Variants in GLIPR1L1 observed in about 807,000 individuals in gnomAD.
GLIPR1L1 encodes the protein GLIPR1 like 1, also known as GLIPR1-like protein 1.
GLIPR1L1 carries 26 observed loss-of-function variants against 29.9 expected under a neutral mutation model. The observed-to-expected ratio is 0.87, with a 90% CI of 0.64 to 1.21. GLIPR1L1 has a LOEUF of 1.21. GLIPR1L1 is among the 50% of genes most tolerant of loss of function. The probability of loss-of-function intolerance (pLI) is 0.00; values close to 1 mark genes in which losing one functional copy is unlikely to be tolerated. For synonymous variants in GLIPR1L1, 77 were observed against 97.5 expected (o/e 0.79, Z 1.24); for missense variants, 305 against 290.3 (o/e 1.05, Z -0.37).
chr12:75,345,547 G>A (rs945576040), intron 2 of GLIPR1L1, among the ~76,000 whole-genome samples: 36 of 152,162 alleles, frequency 2.4e-4, no homozygotes, highest in African/African-American at 7.7e-4. Flanking sequence ...CTTATCAGAG[G>A]TGCAGTGAAC....
At chr12:75,358,855 A>G (rs1359047009) in intron 3 of GLIPR1L1, among the ~76,000 whole-genome samples, 1 of 144,456 alleles carries the variant, frequency 6.9e-6, no homozygotes, top group Non-Finnish European at 1.5e-5. Flanking sequence ...TATATTATAT[A>G]TGGTTTAAAC....
intron 2 of GLIPR1L1, among the ~76,000 whole-genome samples, chr12:75,346,458 T>C (rs562003011): frequency 6.6e-6 from 1 of 152,196 alleles, no homozygotes; most frequent in Admixed American, 6.5e-5. Flanking sequence ...TGGCGTGATC[T>C]CAACTCACTG....
At chr12:75,355,000 A>T (rs1275814251) in intron 3 of GLIPR1L1, among the ~76,000 whole-genome samples, 1 of 152,206 alleles carries the variant, frequency 6.6e-6, no homozygotes, top group African/African-American at 2.4e-5. Flanking sequence ...TAAAGGCTTA[A>T]ATATAAAACC....
At position 75,334,677 on chromosome 12, in the gene GLIPR1L1, C is replaced by A. The variant is rs1248615550; in HGVS notation, c.-52C>A. Reference sequence around the variant, plus strand: ...GCGTGGGGAAATCGGGTTGCCCCAGCCGTTACTGGTCCGCGCAGTCAGGGC... The same window carrying A: ...GCGTGGGGAAATCGGGTTGCCCCAGACGTTACTGGTCCGCGCAGTCAGGGC... On this transcript the variant is annotated 5_prime_UTR_variant, in exon 1 of 6. Transcript: ENST00000378695. 3.8e-6 allele frequency: 6 copies of A among 1,576,080 alleles called. No homozygotes were observed. Among genetic ancestry groups the A allele is most frequent in the Middle Eastern group, 1.7e-4 (1 of 5,844 alleles).
intron 3 of GLIPR1L1, chr12:75,360,250 T>A (rs148295689): frequency 6.6e-6 from 1 of 152,302 alleles, no homozygotes; most frequent in African/African-American, 2.4e-5. Flanking sequence ...CTTGTCTTTT[T>A]ACATTTCCCA....
intron 4 of GLIPR1L1, among the ~76,000 whole-genome samples, chr12:75,367,647 A>G (rs1323409253): frequency 6.6e-6 from 1 of 152,112 alleles, no homozygotes; most frequent in Non-Finnish European, 1.5e-5. Context: ...ATGCTTTTGT[A>G]TATTAGTCTA....
At chr12:75,366,014 T>C (rs1221402912) in intron 4 of GLIPR1L1, among the ~76,000 whole-genome samples, 2 of 152,140 alleles carry the variant, frequency 1.3e-5, no homozygotes. Flanking sequence ...ACTTGATCAA[T>C]AAACAAAGAA....
intron 3 of GLIPR1L1, among the ~76,000 whole-genome samples, chr12:75,356,597 T>A (rs1255623262): frequency 6.6e-6 from 1 of 151,944 alleles, no homozygotes; most frequent in East Asian, 1.9e-4. Flanking sequence ...TTAAAAGATA[T>A]TTAATTAACC....
At chr12:75,369,637 T>C (rs1364815025) in intron 4 of GLIPR1L1, 6 of 983,234 alleles carry the variant, frequency 6.1e-6, no homozygotes, top group Non-Finnish European at 7.2e-6. Context: ...ATGAAGAAAT[T>C]ACGTTTCTTC....
At chr12:75,344,655 T>C (rs2042331750) in intron 2 of GLIPR1L1, among the ~76,000 whole-genome samples, 1 of 152,126 alleles carries the variant, frequency 6.6e-6, no homozygotes, top group Non-Finnish European at 1.5e-5. Context: ...TCTTCCATCA[T>C]ATCATGTTGG....
chr12:75,370,105 A>G lies in GLIPR1L1; in HGVS notation c.658A>G (p.Thr220Ala), dbSNP rs755576011. The G allele has an allele frequency of 6.2e-6, 10 of 1,606,594 alleles. No individual in the cohort carries two copies. Among genetic ancestry groups the G allele is most frequent in the Non-Finnish European group, 8.5e-6 (10 of 1,175,506 alleles). ...IPNQNPFLKP[T>A]GRAPQQTAFN... is the part of the protein sequence containing the mutation. Reference sequence around the variant, plus strand: ...GACAGAAAATCCATTTCTGAAGCCAACGGGGAGAGCACCTCAGCAGACAGC... The same window carrying G: ...GACAGAAAATCCATTTCTGAAGCCAGCGGGGAGAGCACCTCAGCAGACAGC... Residue 220 changes from threonine to alanine, a missense_variant, in exon 6 of 6, where the codon ACG (threonine) becomes GCG (alanine). Coordinates refer to ENST00000378695, the MANE Select transcript of GLIPR1L1 (RefSeq NM_001304964.2).
At chr12:75,337,752 T>C (rs2041836128) in intron 1 of GLIPR1L1, among the ~76,000 whole-genome samples, 1 of 152,068 alleles carries the variant, frequency 6.6e-6, no homozygotes, top group East Asian at 1.9e-4. Context: ...TCTTATAAAG[T>C]AACATTAAAT....
chr12:75,355,515 T>C (rs1225894594), intron 3 of GLIPR1L1, among the ~76,000 whole-genome samples: 2 of 152,162 alleles, frequency 1.3e-5, no homozygotes, highest in African/African-American at 4.8e-5. Context: ...GTTTTTACAC[T>C]GTTGGTGGGA....
intron 1 of GLIPR1L1, among the ~76,000 whole-genome samples, chr12:75,341,412 A>G (rs2042096896): frequency 6.6e-6 from 1 of 152,196 alleles, no homozygotes; most frequent in Non-Finnish European, 1.5e-5. Context: ...ATGGATACAT[A>G]GAGTAGGATT....
intron 3 of GLIPR1L1, among the ~76,000 whole-genome samples, chr12:75,359,568 T>C (rs1593801848): frequency 6.6e-6 from 1 of 151,908 alleles, no homozygotes. Context: ...GCTAATAATA[T>C]GGTTTTCAAA....
At chr12:75,359,449 T>C (rs1038215783) in intron 3 of GLIPR1L1, among the ~76,000 whole-genome samples, 1 of 146,770 alleles carries the variant, frequency 6.8e-6, no homozygotes, top group Non-Finnish European at 1.5e-5. Context: ...TTTTATTGTA[T>C]AAATTGACAA....
At chr12:75,341,883 G>A (rs1027054782) in intron 1 of GLIPR1L1, among the ~76,000 whole-genome samples, 2 of 151,170 alleles carry the variant, frequency 1.3e-5, no homozygotes, top group Non-Finnish European at 2.9e-5. Flanking sequence ...TGAGTAGTTG[G>A]GATTACAAGC....
chr12:75,356,377 G>C (rs1429451111), intron 3 of GLIPR1L1, among the ~76,000 whole-genome samples: 1 of 152,008 alleles, frequency 6.6e-6, no homozygotes, highest in Non-Finnish European at 1.5e-5. Context: ...CTCTTTCAAA[G>C]ATAATTATTT....
chr12:75,342,813 C>T (rs911632564), intron 1 of GLIPR1L1, among the ~76,000 whole-genome samples: 3 of 151,968 alleles, frequency 2.0e-5, no homozygotes, highest in Non-Finnish European at 4.4e-5. Flanking sequence ...CATTTTATAT[C>T]TCTCCATTTA....
Sources: gnomAD v4.1 joint callset for allele counts (sites outside exome capture counted in the v4.1 genomes callset) on GRCh38, gnomAD v4.1.1 for gene constraint, MANE v1.5 for transcripts, NCBI Gene and HGNC (gene_info 2026-07-23, HGNC 2026-07-21) for gene names.